HS6ST2: variants seen among roughly 807,000 people sequenced by gnomAD.
The protein encoded by HS6ST2 is heparan-sulfate 6-O-sulfotransferase 2.
A neutral mutation model predicts 33.0 loss-of-function variants in HS6ST2; 17 were observed. That is an observed-to-expected ratio of 0.52 (90% CI 0.35 to 0.77). The LOEUF is 0.77. Among genes scored for constraint, HS6ST2 ranks in the 30% least tolerant of loss-of-function variants. HS6ST2 has a pLI of 0.01. For synonymous variants in HS6ST2, 248 were observed against 237.1 expected, an observed-to-expected ratio of 1.05 and a Z score of -0.42; for missense variants, 519 against 551.7, an observed-to-expected ratio of 0.94 and a Z score of 0.59.
intron 2 of HS6ST2, among the ~76,000 whole-genome samples, chrX:132,882,563 A>C (rs1398849125): frequency 9.4e-6 from 1 of 105,962 alleles, no homozygotes; most frequent in Non-Finnish European, 1.9e-5. Context: ...CAATCATGTC[A>C]TCTGCAAACA....
At chrX:132,855,227 A>T (rs1273341493) in intron 2 of HS6ST2, among the ~76,000 whole-genome samples, 1 of 111,924 alleles carries the variant, frequency 8.9e-6, no homozygotes, top group African/African-American at 3.3e-5. Flanking sequence ...AATGATTATA[A>T]GAGCCATCAT....
intron 2 of HS6ST2, among the ~76,000 whole-genome samples, chrX:132,790,976 G>A (rs994092065): frequency 1.8e-5 from 2 of 110,255 alleles, no homozygotes; most frequent in Non-Finnish European, 3.8e-5. Flanking sequence ...GTGAGATCCC[G>A]TCTCTACATT....
At chrX:132,920,431 A>G (rs892705504) in intron 2 of HS6ST2, among the ~76,000 whole-genome samples, 9 of 92,079 alleles carry the variant, frequency 9.8e-5, no homozygotes, top group Non-Finnish European at 1.5e-4. Context: ...TAAAACACAG[A>G]AAAAAAAATC....
Position 132,882,883 on chromosome X carries a change from T to A in HS6ST2, c.947+73925A>T, listed in dbSNP as rs182141577. 1.1e-3 allele frequency among the ~76,000 whole-genome samples: 121 copies of A among 111,813 alleles called. No homozygotes were observed. The East Asian group carries it at 0.015, about 14-fold the overall frequency. Reference sequence around the variant, plus strand: ...GCCTTTTCTGCATCTACTGAGATAATCATGTGGTTTTTGTCTTTGGGACTG... The same window carrying A: ...GCCTTTTCTGCATCTACTGAGATAAACATGTGGTTTTTGTCTTTGGGACTG... On this transcript the variant is annotated intron_variant, in intron 2 of 4. Coordinates refer to ENST00000370833, the MANE Select transcript of HS6ST2 (RefSeq NM_001394073.1).
chrX:132,678,269 T>C (rs1222874097), intron 3 of HS6ST2, among the ~76,000 whole-genome samples: 1 of 111,765 alleles, frequency 8.9e-6, no homozygotes, highest in Non-Finnish European at 1.9e-5. Flanking sequence ...GTTGGGAAAA[T>C]GGCTGGAGCC....
intron 2 of HS6ST2, among the ~76,000 whole-genome samples, chrX:132,760,498 C>T (rs1276731064): frequency 1.8e-5 from 2 of 111,821 alleles, no homozygotes. Flanking sequence ...TTTCCTGAGG[C>T]CTCTTCAGCC....
At position 132,627,381 on chromosome X, in the gene HS6ST2, G is replaced by A. The variant is rs1407525296; in HGVS notation, c.*842C>T. On this transcript the variant is annotated 3_prime_UTR_variant, in exon 5 of 5. Transcript: ENST00000370833. ...CTATACATGGGTTAATTTGGAATGA[G>A]CACAATTCAGAGAAGCCTTAAAATG... The A allele has an allele frequency of 8.9e-6, 1 of 112,364 alleles. No homozygotes were observed. The highest frequency in any genetic ancestry group is 1.9e-5 in the Non-Finnish European group (1 of 53,181). 9.3% of individuals were successfully genotyped at this position (112,364 alleles called of 1,213,427 possible). A position where few individuals can be genotyped will look rare whatever the true frequency, so the allele number is the denominator to read the frequency against.
At chrX:132,789,189 T>G (rs1214338373) in intron 2 of HS6ST2, among the ~76,000 whole-genome samples, 1 of 111,805 alleles carries the variant, frequency 8.9e-6, no homozygotes, top group Non-Finnish European at 1.9e-5. Context: ...ACGAACAGCA[T>G]CACTCTCTCG....
chrX:132,783,143 T>C (rs2065029574), intron 2 of HS6ST2, among the ~76,000 whole-genome samples: 1 of 111,723 alleles, frequency 9.0e-6, no homozygotes, highest in African/African-American at 3.3e-5. Context: ...TGGGCCTCAG[T>C]TTCTAAATCC....
In HS6ST2 at chrX:132,652,278, C is replaced by A. The variant is rs1036702417; in HGVS notation, c.1067+16835G>T. On this transcript the variant is annotated intron_variant, in intron 4 of 4. Coordinates refer to ENST00000370833, the MANE Select transcript of HS6ST2 (RefSeq NM_001394073.1). ...TGTCCCTAGACAGTTTCTCTCACACCTCCCCCTATTGTTCTGTTTCTTCTA... is the reference window on the plus strand; with the variant it reads ...TGTCCCTAGACAGTTTCTCTCACACATCCCCCTATTGTTCTGTTTCTTCTA... Among the ~76,000 whole-genome samples, 3 of 111,970 alleles carry A rather than the reference C, an allele frequency of 2.7e-5. No individual in the cohort carries two copies. In the East Asian group the frequency reaches 8.4e-4, roughly 31 times the overall value.
At chrX:132,743,057 T>C (rs1327869592) in intron 2 of HS6ST2, among the ~76,000 whole-genome samples, 1 of 112,181 alleles carries the variant, frequency 8.9e-6, no homozygotes, top group Non-Finnish European at 1.9e-5. Flanking sequence ...AGCACCATCA[T>C]GTGTCTCTGC....
intron 2 of HS6ST2, among the ~76,000 whole-genome samples, chrX:132,767,263 GGCTGGAGT>G (rs751671985): frequency 5.2e-4 from 58 of 112,290 alleles, no homozygotes; most frequent in Non-Finnish European, 9.0e-4. Flanking sequence ...CTGTCACCCA[GGCTGGAGT>G]GCAGTGGCGT....
chrX:132,792,947 T>C (rs1333058449), intron 2 of HS6ST2, among the ~76,000 whole-genome samples: 3 of 109,291 alleles, frequency 2.7e-5, no homozygotes, highest in Middle Eastern at 9.3e-3. Context: ...TTTTAAGATA[T>C]AGTGAGTTAC....
intron 2 of HS6ST2, among the ~76,000 whole-genome samples, chrX:132,873,219 C>T (rs2066081114): frequency 8.9e-6 from 1 of 111,740 alleles, no homozygotes; most frequent in Non-Finnish European, 1.9e-5. Flanking sequence ...GGATCAGGCT[C>T]GATGCTCCAC....
intron 3 of HS6ST2, among the ~76,000 whole-genome samples, chrX:132,692,873 G>A (rs888991718): frequency 3.6e-5 from 4 of 111,858 alleles, no homozygotes; most frequent in Non-Finnish European, 5.6e-5. Flanking sequence ...GAGGGCATAT[G>A]GACCATGTCT....
At chrX:132,945,604 C>T (rs1335935859) in intron 2 of HS6ST2, among the ~76,000 whole-genome samples, 3 of 110,038 alleles carry the variant, frequency 2.7e-5, no homozygotes, top group Non-Finnish European at 5.7e-5. Flanking sequence ...TGGAACCAAC[C>T]CAAATGTCCA....
intron 2 of HS6ST2, among the ~76,000 whole-genome samples, chrX:132,790,022 T>C (rs1473310461): frequency 8.9e-6 from 1 of 112,639 alleles, no homozygotes; most frequent in Non-Finnish European, 1.9e-5. Flanking sequence ...TACATAAACT[T>C]AGTTGATAAA....
intron 2 of HS6ST2, among the ~76,000 whole-genome samples, chrX:132,724,670 G>A (rs954511312): frequency 1.8e-5 from 2 of 111,476 alleles, no homozygotes; most frequent in African/African-American, 3.3e-5. Context: ...AAATTTCTAC[G>A]GAACCACAAA....
chrX:132,819,703 T>G (rs749482630), intron 2 of HS6ST2, among the ~76,000 whole-genome samples: 49 of 112,053 alleles, frequency 4.4e-4, no homozygotes, highest in Non-Finnish European at 4.3e-4. Context: ...ATTGCAGTTG[T>G]CATGCTCCAT....
Sources: allele counts gnomAD v4.1 joint callset (sites outside exome capture counted in the v4.1 genomes callset), GRCh38; gene constraint gnomAD v4.1.1; transcripts MANE v1.5; gene names NCBI Gene and HGNC (gene_info 2026-07-23, HGNC 2026-07-21).